The following ADGRG5 variants were observed in gnomAD, a reference collection of about 807,000 sequenced individuals.
ADGRG5 encodes the protein adhesion G protein-coupled receptor G5, also known as G protein-coupled receptor 114.
ADGRG5 carries 37 observed loss-of-function variants against 53.2 expected under a neutral mutation model. The ratio of observed to expected loss-of-function variants is 0.70; its 90% CI spans 0.53 to 0.91. ADGRG5 has a LOEUF of 0.91. ADGRG5 is among the 40% of genes least tolerant of loss of function. The pLI, the probability that ADGRG5 is intolerant of heterozygous loss-of-function variation, is 0.00. For synonymous variants in ADGRG5, 277 were observed against 290.4 expected (o/e 0.95, Z 0.47); for missense variants, 614 against 675.8 (o/e 0.91, Z 1.01).
At chr16:57,540,773 G>A (rs1025965456), upstream of ADGRG5, among the ~76,000 whole-genome samples, 9 of 152,102 alleles carry the variant, frequency 5.9e-5, no homozygotes, top group Admixed American at 2.0e-4. Flanking sequence ...GCAATAGGGA[G>A]CCACCACTGG....
chr16:57,553,247 A>T (rs562702221), intron 1 of ADGRG5, among the ~76,000 whole-genome samples: 7 of 152,074 alleles, frequency 4.6e-5, no homozygotes, highest in Non-Finnish European at 7.4e-5. Flanking sequence ...TTCAATTTGT[A>T]AAAAAAACCC....
At chr16:57,566,892 T>A in intron 7 of ADGRG5, 141 bp downstream of exon 7, 1 of 730,634 alleles carries the variant, frequency 1.4e-6, no homozygotes, top group Non-Finnish European at 2.0e-6. Flanking sequence ...CTTTATGGAC[T>A]CATGTTTCTG....
rs1191296170 is a variant in ADGRG5 at position 57,563,134 on chromosome 16, C to G, written c.184C>G (p.Pro62Ala). ...GCAGATGCTACTGAACACCAGCTTCCCAGGCTACAACCTGACCTTGCAGAC... is the reference window on the plus strand; with the variant it reads ...GCAGATGCTACTGAACACCAGCTTCGCAGGCTACAACCTGACCTTGCAGAC... ...LEQMLLNTSFPGYNLTLQTPT... is the reference protein window; with the variant it reads ...LEQMLLNTSFAGYNLTLQTPT... The change falls in exon 4 of 12, where the codon CCA becomes GCA. Residue 62 changes from proline (P) to alanine (A), a missense_variant. Pro to Ala is a conservative substitution (Grantham distance 27). Transcript: ENST00000349457. 6 of 1,614,044 alleles carry G rather than the reference C, an allele frequency of 3.7e-6. No homozygotes were observed. In the African/African-American group the frequency reaches 8.0e-5, roughly 22 times the overall value.
chr16:57,567,185 T>C (rs12929468), intron 7 of ADGRG5, among the ~76,000 whole-genome samples: 51,499 of 152,172 alleles, frequency 0.34, 9,336 homozygotes, highest in East Asian at 0.7. Context: ...GGGCCCTGCT[T>C]GACCAGGCCT....
upstream of ADGRG5, among the ~76,000 whole-genome samples, chr16:57,541,643 G>A (rs1367372274): frequency 6.6e-6 from 1 of 152,230 alleles, no homozygotes; most frequent in Non-Finnish European, 1.5e-5. Context: ...GTTAGGACCT[G>A]TCTGGTTTCT....
At chr16:57,530,523 G>A in the ADGRG5 span, among the ~76,000 whole-genome samples, 1 of 152,106 alleles carries the variant, frequency 6.6e-6, no homozygotes, top group African/African-American at 2.4e-5. Flanking sequence ...AGGCTGCCTG[G>A]CAGCCCTCTA....
intron 1 of ADGRG5, among the ~76,000 whole-genome samples, chr16:57,546,516 A>G (rs573454818): frequency 1.3e-5 from 2 of 152,370 alleles, no homozygotes; most frequent in African/African-American, 2.4e-5. Context: ...TCTATTGTAC[A>G]TATATAAAAC....
In ADGRG5 at chr16:57,563,954, A is replaced by G; in HGVS notation, c.404A>G (p.Tyr135Cys). The change falls in exon 5 of 12, where the codon TAC (tyrosine) becomes TGC (cysteine). Residue 135 changes from tyrosine (Y) to cysteine (C), a missense_variant. Tyr to Cys is a radical substitution (Grantham distance 194). Coordinates refer to ENST00000349457, the MANE Select transcript of ADGRG5 (RefSeq NM_001304376.3). The stretch of plus-strand genomic sequence containing the variant: ...AGGGAGCTGCGGCTCATCTGTATCT[A>G]CTTCTCCAACACCCACTTTTTCAAG... ...RPRELRLICIYFSNTHFFKDE... is the reference protein window; with the variant it reads ...RPRELRLICICFSNTHFFKDE... 3 of 1,613,602 alleles carry G rather than the reference A, an allele frequency of 1.9e-6. No individual in the cohort carries two copies. The highest frequency in any genetic ancestry group is 2.5e-6 in the Non-Finnish European group (3 of 1,179,652).
chr16:57,538,706 G>C (rs2032445180), upstream of ADGRG5, among the ~76,000 whole-genome samples: 1 of 152,168 alleles, frequency 6.6e-6, no homozygotes, highest in African/African-American at 2.4e-5. Context: ...GTCCCACTCA[G>C]TTCAGGACAG....
chr16:57,548,688 A>G (rs1258467298), intron 1 of ADGRG5, among the ~76,000 whole-genome samples: 1 of 149,600 alleles, frequency 6.7e-6, no homozygotes, highest in East Asian at 1.9e-4. Context: ...AAATAAATTG[A>G]ATCACACAGC....
rs760948649 is a variant in ADGRG5 at position 57,568,096 on chromosome 16, T to C, written c.1062T>C (p.Tyr354=). The change falls in exon 9 of 12, where the codon TAT becomes TAC. Residue 354 remains tyrosine, a synonymous_variant. Transcript: ENST00000349457. ...TCTACAACATCTACATCCGCAGATA[T>C]GTGTTCAAGCTTGGTGTGCTAGGCT... is the stretch of plus-strand genomic sequence containing the variant. The part of the protein sequence containing the change: ...GRVYNIYIRR[Y]VFKLGVLGWG... The C allele has an allele frequency of 5.0e-6, 8 of 1,613,980 alleles. No individual in the cohort carries two copies. Among genetic ancestry groups the C allele is most frequent in the Admixed American group, 1.7e-5 (1 of 60,012 alleles).
At chr16:57,535,251 G>A in the ADGRG5 span, among the ~76,000 whole-genome samples, 1 of 152,204 alleles carries the variant, frequency 6.6e-6, no homozygotes, top group African/African-American at 2.4e-5. Context: ...GCTGGCTGGC[G>A]GGAAAGGAAG....
intron 7 of ADGRG5, 135 bp from the exon 8 acceptor site, chr16:57,567,335 T>C: frequency 1.1e-6 from 1 of 925,504 alleles, no homozygotes; most frequent in South Asian, 1.7e-5. Context: ...GCCATGGCCT[T>C]GTTCAAGCCA....
At chr16:57,555,566 A>C (rs767740699) in intron 1 of ADGRG5, among the ~76,000 whole-genome samples, 8 of 152,168 alleles carry the variant, frequency 5.3e-5, no homozygotes, top group Admixed American at 4.6e-4. Context: ...TTTTGCAACT[A>C]TAAGTGTTGG....
chr16:57,562,244 T>C (rs2033021882), intron 2 of ADGRG5, 87 bp downstream of exon 2: 5 of 1,466,486 alleles, frequency 3.4e-6, no homozygotes, highest in South Asian at 1.2e-5. Context: ...CCATGGGAGA[T>C]TGAAAAGGGC....
At chr16:57,544,952 T>C (rs2146749079) in intron 1 of ADGRG5, among the ~76,000 whole-genome samples, 1 of 152,144 alleles carries the variant, frequency 6.6e-6, no homozygotes, top group South Asian at 2.1e-4. Flanking sequence ...TTTTAATGTT[T>C]AATTTTGTAG....
chr16:57,558,770 C>T (rs976580081), intron 1 of ADGRG5, among the ~76,000 whole-genome samples: 3 of 151,578 alleles, frequency 2.0e-5, no homozygotes, highest in Non-Finnish European at 4.4e-5. Flanking sequence ...CAGCAGCCCT[C>T]TGTTTTATAT....
In ADGRG5 at chr16:57,565,098, T is replaced by C; in HGVS notation, c.494T>C (p.Val165Ala). Residue 165 changes from valine (V) to alanine (A), a missense_variant, in exon 6 of 12, where the codon GTG (valine) becomes GCG (alanine). Coordinates refer to ENST00000349457, the MANE Select transcript of ADGRG5 (RefSeq NM_001304376.3). ...GGGGCCCAGCTGAGTCATGGGCACG[T>C]GAACAACCTCAGGGATCCTGTGAAC... Reference protein sequence around the residue: ...VLGAQLSHGHVNNLRDPVNIS... With the variant: ...VLGAQLSHGHANNLRDPVNIS... 1 of 1,613,990 alleles carries C rather than the reference T, an allele frequency of 6.2e-7. No homozygotes were observed. Among genetic ancestry groups the C allele is most frequent in the Non-Finnish European group, 8.5e-7 (1 of 1,179,952 alleles).
Position 57,574,905 on chromosome 16 carries a change from G to A in ADGRG5, c.1299G>A (p.Trp433Ter). ...TCTTCAACCTGGTGGTGCTGGCCTG[G>A]GCGCTGTGGACCCTGCGCAGGCTGC... ...TSLFNLVVLAWALWTLRRLRE... is the reference protein window; with the variant it reads ...TSLFNLVVLA Residue 433 changes from tryptophan to a stop codon, truncating the protein, a stop_gained, in exon 11 of 12, where the codon TGG (tryptophan) becomes TGA (stop). Coordinates refer to ENST00000349457, the MANE Select transcript of ADGRG5 (RefSeq NM_001304376.3). LOFTEE classifies it high-confidence loss of function. This position sits in a 1 kb window ranked among gnomAD's most constrained non-coding sequence, Gnocchi z 4.4. The A allele has an allele frequency of 6.2e-7, 1 of 1,612,826 alleles. No homozygotes were observed.
Sources: allele counts gnomAD v4.1 joint callset (sites outside exome capture counted in the v4.1 genomes callset), GRCh38; gene constraint gnomAD v4.1.1; non-coding constraint Gnocchi (gnomAD v3.1); transcripts MANE v1.5; gene names NCBI Gene and HGNC (gene_info 2026-07-23, HGNC 2026-07-21).